The following LHFPL2 variants were observed in gnomAD, a reference collection of about 807,000 sequenced individuals.
LHFPL2 encodes LHFPL tetraspan subfamily member 2 protein.
A neutral mutation model predicts 17.5 loss-of-function variants in LHFPL2; 7 were observed. The observed-to-expected ratio is 0.40, with a 90% CI of 0.23 to 0.75. The LOEUF is 0.75. Among genes scored for constraint, LHFPL2 ranks in the 30% least tolerant of loss-of-function variants. LHFPL2 has a pLI of 0.37. For synonymous variants in LHFPL2, 134 were observed against 116.2 expected (o/e 1.15, Z -0.99); for missense variants, 241 against 294.8 (o/e 0.82, Z 1.34).
chr5:78,598,830 G>T (rs908751531), intron 2 of LHFPL2, among the ~76,000 whole-genome samples: 1 of 152,072 alleles, frequency 6.6e-6, no homozygotes, highest in Middle Eastern at 3.2e-3. Flanking sequence ...TCCACTGATT[G>T]GTCAATAACT....
chr5:78,558,078 A>C (rs1756628706), intron 3 of LHFPL2, among the ~76,000 whole-genome samples: 1 of 152,192 alleles, frequency 6.6e-6, no homozygotes, highest in Admixed American at 6.5e-5. Flanking sequence ...CAGACACGGT[A>C]TTTACAGGGG....
intron 4 of LHFPL2, among the ~76,000 whole-genome samples, chr5:78,507,121 G>A (rs577624003): frequency 6.6e-6 from 1 of 152,254 alleles, no homozygotes; most frequent in East Asian, 1.9e-4. Flanking sequence ...CTTGAGGTCA[G>A]GAGTTTGAGA....
At chr5:78,530,014 AAACTAGTTCCCAG>A (rs764879470) in intron 3 of LHFPL2, among the ~76,000 whole-genome samples, 6 of 152,370 alleles carry the variant, frequency 3.9e-5, no homozygotes, top group Non-Finnish European at 8.8e-5. Context: ...GAGAGAAAAT[AAACTAGTTCCCAG>A]AACAGAAGAT....
chr5:78,511,228 T>C (rs1755113450), intron 3 of LHFPL2, among the ~76,000 whole-genome samples: 1 of 152,250 alleles, frequency 6.6e-6, no homozygotes, highest in South Asian at 2.1e-4. Flanking sequence ...ACCTTGTCTA[T>C]GAAGAATGCA....
intron 2 of LHFPL2, among the ~76,000 whole-genome samples, chr5:78,596,824 T>A (rs1743842905): frequency 6.6e-6 from 1 of 152,122 alleles, no homozygotes; most frequent in Non-Finnish European, 1.5e-5. Context: ...CAAATCTTCC[T>A]TTGATAATAA....
At chr5:78,510,609 C>T (rs1427255014) in intron 3 of LHFPL2, among the ~76,000 whole-genome samples, 1 of 152,202 alleles carries the variant, frequency 6.6e-6, no homozygotes, top group Admixed American at 6.5e-5. Context: ...TGGCAGTTAA[C>T]CTTATCTCTA....
chr5:78,506,445 G>GGCGGC (rs1754933250), intron 4 of LHFPL2, among the ~76,000 whole-genome samples: 1 of 152,192 alleles, frequency 6.6e-6, no homozygotes. Context: ...AGAGATCCAG[G>GGCGGC]GCTGAGGGAG....
intron 2 of LHFPL2, among the ~76,000 whole-genome samples, chr5:78,580,627 C>A (rs1440462133): frequency 6.6e-6 from 1 of 150,658 alleles, no homozygotes; most frequent in South Asian, 2.1e-4. Context: ...GCTTGTTTTT[C>A]TCAGGTTTGT....
rs573949988 is a variant in LHFPL2 at position 78,580,955 on chromosome 5, G to A, written c.-244-16084C>T. Among the ~76,000 whole-genome samples, 98 of 152,260 alleles carry A rather than the reference G, an allele frequency of 6.4e-4. 1 individual carries two copies. In the Middle Eastern group the frequency reaches 0.01, roughly 16 times the overall value. ...CCTTGGGCAGTATGGCCATTTTCAC[G>A]ATATTGATTCTTCCTACCCGTGAGC... On this transcript the variant is annotated intron_variant, in intron 2 of 4. Coordinates refer to ENST00000380345, the MANE Select transcript of LHFPL2 (RefSeq NM_005779.3).
At chr5:78,546,223 A>C (rs1293308627) in intron 3 of LHFPL2, among the ~76,000 whole-genome samples, 1 of 152,222 alleles carries the variant, frequency 6.6e-6, no homozygotes, top group African/African-American at 2.4e-5. Context: ...GATAAAGATC[A>C]TTTACATGCA....
chr5:78,504,918 A>C (rs1226759625), intron 4 of LHFPL2, among the ~76,000 whole-genome samples: 4 of 152,148 alleles, frequency 2.6e-5, no homozygotes, highest in Non-Finnish European at 5.9e-5. Context: ...AGAGGGCTGG[A>C]GGGAGTAGAG....
At chr5:78,565,660 T>C (rs941730102) in intron 2 of LHFPL2, among the ~76,000 whole-genome samples, 8 of 152,236 alleles carry the variant, frequency 5.3e-5, no homozygotes, top group Admixed American at 6.5e-5. Flanking sequence ...TATAGGAATA[T>C]ATTACAACCT....
chr5:78,577,889 C>G (rs1026665283), intron 2 of LHFPL2, among the ~76,000 whole-genome samples: 1 of 152,054 alleles, frequency 6.6e-6, no homozygotes, highest in African/African-American at 2.4e-5. Flanking sequence ...AGCTACACTC[C>G]TTGAAACAAG....
chr5:78,501,571 A>C (rs1443428758), intron 4 of LHFPL2, among the ~76,000 whole-genome samples: 1 of 152,192 alleles, frequency 6.6e-6, no homozygotes, highest in Non-Finnish European at 1.5e-5. Flanking sequence ...TCCAAACTTA[A>C]GTTAGAAGAG....
chr5:78,536,168 G>A (rs1755945825), intron 3 of LHFPL2, among the ~76,000 whole-genome samples: 1 of 152,166 alleles, frequency 6.6e-6, no homozygotes, highest in South Asian at 2.1e-4. Flanking sequence ...GGGGGGATCA[G>A]AAACAGCTAA....
intron 4 of LHFPL2, among the ~76,000 whole-genome samples, chr5:78,492,161 GC>G (rs372742595): frequency 6.6e-4 from 100 of 152,248 alleles, no homozygotes; most frequent in African/African-American, 2.4e-3. Context: ...ATCTCCCCCA[GC>G]CCGGCACGCA....
intron 3 of LHFPL2, among the ~76,000 whole-genome samples, chr5:78,561,963 T>G (rs1284430042): frequency 1.3e-5 from 2 of 152,150 alleles, no homozygotes; most frequent in Non-Finnish European, 1.5e-5. Context: ...TCTCATGGAA[T>G]AGACAGGCAA....
At chr5:78,567,633 A>G (rs1020160594) in intron 2 of LHFPL2, among the ~76,000 whole-genome samples, 1 of 152,040 alleles carries the variant, frequency 6.6e-6, no homozygotes, top group Admixed American at 6.6e-5. Flanking sequence ...CTTTCACAAA[A>G]CCCCTGAGGT....
intron 2 of LHFPL2, among the ~76,000 whole-genome samples, chr5:78,628,880 G>A (rs898377404): frequency 6.6e-6 from 1 of 152,224 alleles, no homozygotes; most frequent in Non-Finnish European, 1.5e-5. Context: ...TGGCCATTAG[G>A]AAATAAAGTC....
Sources: allele counts gnomAD v4.1 joint callset (sites outside exome capture counted in the v4.1 genomes callset), GRCh38; gene constraint gnomAD v4.1.1; transcripts MANE v1.5; gene names NCBI Gene and HGNC (gene_info 2026-07-23, HGNC 2026-07-21).